Variants in PADI4 observed in about 807,000 individuals in gnomAD.
PADI4 encodes peptidyl arginine deiminase 4.
PADI4 carries 62 observed loss-of-function variants against 75.0 expected under a neutral mutation model. The ratio of observed to expected loss-of-function variants is 0.83; its 90% CI spans 0.67 to 1.02. The LOEUF (loss-of-function observed/expected upper bound fraction) is 1.02. Ranked by LOEUF, PADI4 falls within the 50% of genes least tolerant of loss-of-function variation. The pLI is 0.00. For missense variants in PADI4, 845 were observed against 850.5 expected (o/e 0.99, Z 0.08); for synonymous variants, 361 against 348.1 (o/e 1.04, Z -0.41).
chr1:17,332,059 T>C (rs12037914), intron 2 of PADI4, among the ~76,000 whole-genome samples: 84,587 of 151,776 alleles, frequency 0.56, 23,729 homozygotes, highest in East Asian at 0.59. Flanking sequence ...AGAATAATTA[T>C]TTGCCTCCTC....
At chr1:17,324,336 T>G (rs1293916194) in intron 1 of PADI4, among the ~76,000 whole-genome samples, 3 of 152,136 alleles carry the variant, frequency 2.0e-5, no homozygotes, top group African/African-American at 7.2e-5. Flanking sequence ...TGCCTCTTCA[T>G]GTTTTCATGT....
chr1:17,353,303 A>T (rs1263757613), intron 10 of PADI4, among the ~76,000 whole-genome samples: 1 of 152,090 alleles, frequency 6.6e-6, no homozygotes, highest in Admixed American at 6.5e-5. Context: ...TACAGGAAAG[A>T]ACAACTTTAA....
In PADI4 at chr1:17,363,575, C is replaced by T. The variant is rs760849251; in HGVS notation, c.1812C>T (p.Pro604=). The T allele has an allele frequency of 4.4e-5, 71 of 1,613,892 alleles. No homozygotes were observed. Among genetic ancestry groups the T allele is most frequent in the Non-Finnish European group, 5.8e-5 (69 of 1,179,930 alleles). The change falls in exon 16 of 16, where the codon CCC becomes CCT. Residue 604 remains proline, a synonymous_variant. Transcript: ENST00000375448. ...KHLGIPKPFG[P]VINGRCCLEE... ...TGGGCATCCCCAAGCCCTTCGGGCC[C>T]GTCATCAACGGCCGCTGCTGCCTGG... is the stretch of plus-strand genomic sequence containing the variant.
chr1:17,339,288 C>G (rs1266111570), intron 5 of PADI4, among the ~76,000 whole-genome samples: 2 of 152,214 alleles, frequency 1.3e-5, no homozygotes, highest in Non-Finnish European at 2.9e-5. Flanking sequence ...TGCTCAGGAC[C>G]AGCACAGAAA....
At chr1:17,334,100 G>C (rs2074266070) in intron 3 of PADI4, 91 bp downstream of exon 3, 2 of 838,634 alleles carry the variant, frequency 2.4e-6, no homozygotes, top group South Asian at 2.8e-5. Context: ...AACTACACCT[G>C]GAGCTTACTT....
Position 17,359,314 on chromosome 1 carries a change from G to T in PADI4, c.1664G>T (p.Arg555Leu). The change falls in exon 15 of 16, where the codon CGG (arginine) becomes CTG (leucine). Residue 555 changes from arginine to leucine, a missense_variant. Arg to Leu is a moderately radical substitution (Grantham distance 102). Coordinates refer to ENST00000375448, the MANE Select transcript of PADI4 (RefSeq NM_012387.3). ...GACTGGAACCGCGAGCTGCTGAAGC[G>T]GGAGCTGGGCCTGGCCGAGAGTGAC... ...CIDWNRELLK[R>L]ELGLAESDII... The T allele has an allele frequency of 6.2e-7, 1 of 1,603,964 alleles. No individual in the cohort carries two copies. The highest frequency in any genetic ancestry group is 8.5e-7 in the Non-Finnish European group (1 of 1,173,942).
At position 17,356,248 on chromosome 1, in the gene PADI4, G is replaced by T. The variant is rs1248179816; in HGVS notation, c.1456-109G>T. ...CACCCTTAGGATGGCAGTAGAGGAG[G>T]TGGCCAGCTTGGGTCCAAGTCCACA... On this transcript the variant is annotated intron_variant, in intron 12 of 15. Transcript: ENST00000375448. The surrounding 1 kb of genome is among the most constrained non-coding windows in gnomAD (Gnocchi z 4.1). 3.0e-6 allele frequency: 4 copies of T among 1,325,274 alleles called. No homozygotes were observed. The East Asian group carries it at 9.8e-5, about 33-fold the overall frequency. 82.1% of individuals were successfully genotyped at this position (1,325,274 alleles called of 1,614,324 possible).
chr1:17,309,160 C>T (rs1202176211), intron 1 of PADI4, among the ~76,000 whole-genome samples: 3 of 46,980 alleles, frequency 6.4e-5, no homozygotes, highest in East Asian at 1.6e-3. Flanking sequence ...AAAAAAAAAA[C>T]AATTTTCCCT....
chr1:17,329,464 A>G (rs577750735), intron 1 of PADI4, among the ~76,000 whole-genome samples: 1 of 152,342 alleles, frequency 6.6e-6, no homozygotes, highest in East Asian at 1.9e-4. Context: ...TGTATTATAT[A>G]CTGTGGTCTT....
intron 1 of PADI4, among the ~76,000 whole-genome samples, chr1:17,319,707 C>T (rs1225618937): frequency 1.3e-5 from 2 of 152,128 alleles, no homozygotes; most frequent in Non-Finnish European, 2.9e-5. Flanking sequence ...CATGGTTGAA[C>T]AATATTTACG....
chr1:17,331,219 G>T, intron 2 of PADI4, 70 bp downstream of exon 2: 1 of 1,351,444 alleles, frequency 7.4e-7, no homozygotes, highest in Non-Finnish European at 1.0e-6. Flanking sequence ...ACTCTGTCCT[G>T]CCGTGATCCA....
chr1:17,326,976 T>C (rs1191016282), intron 1 of PADI4, among the ~76,000 whole-genome samples: 3 of 147,958 alleles, frequency 2.0e-5, no homozygotes, highest in Non-Finnish European at 3.0e-5. Flanking sequence ...AGTGGTGCAA[T>C]ATTGGCTCAC....
At chr1:17,340,651 G>A (rs1192187158) in intron 6 of PADI4, among the ~76,000 whole-genome samples, 1 of 151,976 alleles carries the variant, frequency 6.6e-6, no homozygotes, top group East Asian at 1.9e-4. Flanking sequence ...AGGGCAGAGG[G>A]GAAGGGGGAG....
Position 17,346,154 on chromosome 1 carries a change from GGGCA to G in PADI4, c.1047+22_1047+25del, listed in dbSNP as rs749615896. ...AGTGGATGCAGGTATGTGCCCTGCG[GGGCA>G]GGCAGGGTGACTGTCCCTGAGGGCC... On this transcript the variant is annotated intron_variant, in intron 9 of 15. Coordinates refer to ENST00000375448, the MANE Select transcript of PADI4 (RefSeq NM_012387.3). The surrounding 1 kb of genome is among the most constrained non-coding windows in gnomAD (Gnocchi z 4.3). 2 of 1,541,766 alleles carry G rather than the reference GGGCA, an allele frequency of 1.3e-6. No individual in the cohort carries two copies. The highest frequency in any genetic ancestry group is 2.2e-5 in the South Asian group (2 of 89,632).
intron 1 of PADI4, among the ~76,000 whole-genome samples, chr1:17,329,339 AT>A (rs146353407): frequency 6.6e-6 from 1 of 151,258 alleles, no homozygotes; most frequent in African/African-American, 2.4e-5. Flanking sequence ...AAAAAAAAAA[AT>A]AGTAAATCTT....
chr1:17,328,930 T>G (rs2074159310), intron 1 of PADI4, among the ~76,000 whole-genome samples: 1 of 151,244 alleles, frequency 6.6e-6, no homozygotes, highest in African/African-American at 2.4e-5. Flanking sequence ...GAAATTGCCT[T>G]GGTGAAAATC....
chr1:17,361,466 C>T (rs1298603863), intron 15 of PADI4, among the ~76,000 whole-genome samples: 1 of 152,088 alleles, frequency 6.6e-6, no homozygotes, highest in Non-Finnish European at 1.5e-5. Context: ...CTGTGGGAGG[C>T]GGGGAAGAGG....
chr1:17,315,729 C>A (rs1398191872), intron 1 of PADI4, among the ~76,000 whole-genome samples: 1 of 151,958 alleles, frequency 6.6e-6, no homozygotes, highest in Non-Finnish European at 1.5e-5. Flanking sequence ...AGAAAACTTT[C>A]TAAAAATCGG....
At chr1:17,345,143 T>A (rs184446139) in intron 8 of PADI4, among the ~76,000 whole-genome samples, 31 of 152,344 alleles carry the variant, frequency 2.0e-4, no homozygotes, top group Non-Finnish European at 4.3e-4. Context: ...GAGTCAAAGA[T>A]CATTTTGGAG....
Sources: gnomAD v4.1 joint callset for allele counts (sites outside exome capture counted in the v4.1 genomes callset) on GRCh38, gnomAD v4.1.1 for gene constraint, Gnocchi (gnomAD v3.1) non-coding constraint, MANE v1.5 for transcripts, NCBI Gene and HGNC (gene_info 2026-07-23, HGNC 2026-07-21) for gene names.